The following MYH7 variants were observed in gnomAD, a reference collection of about 807,000 sequenced individuals.
MYH7 encodes myosin-7.
A neutral mutation model predicts 225.4 loss-of-function variants in MYH7; 129 were observed. The observed-to-expected ratio is 0.57, with a 90% confidence interval of 0.50 to 0.66. The LOEUF (loss-of-function observed/expected upper bound fraction) is 0.66. MYH7 is among the 30% of genes least tolerant of loss of function. The pLI, the probability that MYH7 is intolerant of heterozygous loss-of-function variation, is 0.00. For synonymous variants in MYH7, 971 were observed against 1,007.6 expected (o/e 0.96, Z 0.69); for missense variants, 1,649 against 2,517.0 (o/e 0.66, Z 7.38).
Position 23,416,124 on chromosome 14 carries a change from G to A in MYH7, c.4833C>T (p.Ala1611=). ...LDAETRSRNE[A]LRVKKKMEGD... ...CTTCCATCTTCTTCTTCACCCTCAG[G>A]GCCTCGTTGCGGCTGCGTGTCTCTG... is the stretch of plus-strand genomic sequence containing the variant. Residue 1611 remains alanine (A), a synonymous_variant, in exon 34 of 40, where the codon GCC becomes GCT. Transcript: ENST00000355349. 6.2e-7 allele frequency: 1 copy of A among 1,614,136 alleles called. No homozygotes were observed. The highest frequency in any genetic ancestry group is 8.5e-7 in the Non-Finnish European group (1 of 1,180,034).
chr14:23,419,559 G>T lies in MYH7; in HGVS notation c.3777C>A (p.His1259Gln), dbSNP rs149103761. The change falls in exon 28 of 40, where the codon CAC (histidine) becomes CAA (glutamine). Residue 1259 changes from histidine to glutamine, a missense_variant. Coordinates refer to ENST00000355349, the MANE Select transcript of MYH7 (RefSeq NM_000257.4). ...CRTLEDQMNE[H>Q]RSKAEETQRS... ...GCTGGGTCTCCTCCGCCTTGCTCCGGTGCTCATTCATCTGGTCTTCCAAGG... is the reference window on the plus strand; with the variant it reads ...GCTGGGTCTCCTCCGCCTTGCTCCGTTGCTCATTCATCTGGTCTTCCAAGG... 2.5e-6 allele frequency: 4 copies of T among 1,613,892 alleles called. No homozygotes were observed. The highest frequency in any genetic ancestry group is 3.4e-6 in the Non-Finnish European group (4 of 1,180,028).
At chr14:23,423,419 C>G in intron 24 of MYH7, 128 bp downstream of exon 24, 1 of 1,308,992 alleles carries the variant, frequency 7.6e-7, no homozygotes. Flanking sequence ...CCCTACCCCC[C>G]TCTAAACATA....
chr14:23,415,326 C>A lies in MYH7; in HGVS notation c.5283+55G>T. On this transcript the variant is annotated intron_variant, in intron 36 of 39. Transcript: ENST00000355349. The surrounding 1 kb of genome is among the most constrained non-coding windows in gnomAD (Gnocchi z 6.3). ...TGGTCAAGTCCTCACACACTTGCTGCCCAGCCCACGGAGAGACACTGGTCT... is the reference window on the plus strand; with the variant it reads ...TGGTCAAGTCCTCACACACTTGCTGACCAGCCCACGGAGAGACACTGGTCT... 1 of 1,614,222 alleles carries A rather than the reference C, an allele frequency of 6.2e-7. No homozygotes were observed.
intron 18 of MYH7, among the ~76,000 whole-genome samples, 182 bp from the exon 19 acceptor site, chr14:23,426,263 A>G (rs1036193502): frequency 2.6e-5 from 4 of 152,134 alleles, no homozygotes; most frequent in Non-Finnish European, 5.9e-5. Context: ...TTTTTATATG[A>G]TTCACACCTA....
At position 23,423,708 on chromosome 14, in the gene MYH7, C is replaced by T. The variant is rs1892576176; in HGVS notation, c.2938G>A (p.Glu980Lys). The T allele has an allele frequency of 2.5e-6, 4 of 1,614,138 alleles. No individual in the cohort carries two copies. Among genetic ancestry groups the T allele is most frequent in the Non-Finnish European group, 3.4e-6 (4 of 1,180,026 alleles). ...ATCTCATCCAGCCCAGCCATCTCCT[C>T]TGTCAGGTTTTTCACCTGCCGACCA... ...ATENKVKNLT[E>K]EMAGLDEIIA... is the part of the protein sequence containing the mutation. The change falls in exon 24 of 40, where the codon GAG (glutamate) becomes AAG (lysine). Residue 980 changes from glutamate (E) to lysine (K), a missense_variant. This residue lies in a region of MYH7 where 282 missense variants were observed against 315.3 expected (regional missense o/e 0.89). Transcript: ENST00000355349.
At chr14:23,417,388 C>T (rs528481295) in intron 31 of MYH7, 70 bp from the exon 32 acceptor site, 9 of 1,611,714 alleles carry the variant, frequency 5.6e-6, no homozygotes, top group African/African-American at 1.3e-5. Flanking sequence ...GTCTCAGGAC[C>T]TGCCTGGGCT....
intron 25 of MYH7, chr14:23,421,813 GA>G: frequency 1.0e-6 from 1 of 984,858 alleles, no homozygotes; most frequent in Non-Finnish European, 1.2e-6. Flanking sequence ...GGCTCTCTGT[GA>G]AAAGCCACAA....
At chr14:23,422,447 G>A (rs1892512575) in intron 24 of MYH7, 122 bp from the exon 25 acceptor site, 1 of 1,347,354 alleles carries the variant, frequency 7.4e-7, no homozygotes, top group African/African-American at 1.4e-5. Flanking sequence ...CTTCCCCAGA[G>A]TGGGCCAAAT....
rs1892749322 is a variant in MYH7, at chr14:23,427,700, A to C, written c.1773T>G (p.Ile591Met). ...HYAGIVDYNI[I>M]GWLQKNKDPL... ...GATCCTTGTTCTTCTGCAGCCAGCC[A>C]ATGATGTTGTAGTCCACGATGCCGG... The change falls in exon 16 of 40, where the codon ATT becomes ATG. Residue 591 changes from isoleucine (I) to methionine (M), a missense_variant. Transcript: ENST00000355349. The C allele has an allele frequency of 6.2e-7, 1 of 1,614,018 alleles. No individual in the cohort carries two copies. The highest frequency in any genetic ancestry group is 1.3e-5 in the African/African-American group (1 of 74,900).
chr14:23,418,475 T>C lies in MYH7; in HGVS notation c.3973-69A>G, dbSNP rs907947149. ...TAAAGCAACCCCACCCTTGCCCTTCTCCTCACCCCAATCTCAACATCATCC... is the reference window on the plus strand; with the variant it reads ...TAAAGCAACCCCACCCTTGCCCTTCCCCTCACCCCAATCTCAACATCATCC... On this transcript the variant is annotated intron_variant, in intron 29 of 39. Coordinates refer to ENST00000355349, the MANE Select transcript of MYH7 (RefSeq NM_000257.4). 3.3e-6 allele frequency: 5 copies of C among 1,496,932 alleles called. No homozygotes were observed. In the African/African-American group the frequency reaches 4.1e-5, roughly 12 times the overall value. 92.7% of individuals were successfully genotyped at this position (1,496,932 alleles called of 1,614,324 possible).
rs863225095 is a variant in MYH7, at chr14:23,424,793, A to T, written c.2655T>A (p.Asn885Lys). Reference sequence around the variant, plus strand: ...CCGCCTGCACTTGGAGCTGCAGGTCATTCTTCTCCTGCAGCAGGGACACCA... The same window carrying T: ...CCGCCTGCACTTGGAGCTGCAGGTCTTTCTTCTCCTGCAGCAGGGACACCA... ...EKMVSLLQEKNDLQLQVQAEQ... is the reference protein window; with the variant it reads ...EKMVSLLQEKKDLQLQVQAEQ... Residue 885 changes from asparagine to lysine, a missense_variant, in exon 22 of 40, where the codon AAT becomes AAA. Asn to Lys is a moderately conservative substitution (Grantham distance 94). Transcript: ENST00000355349. The T allele has an allele frequency of 6.2e-7, 1 of 1,614,048 alleles. No homozygotes were observed. Among genetic ancestry groups the T allele is most frequent in the African/African-American group, 1.3e-5 (1 of 74,920 alleles).
At chr14:23,424,405 G>A (rs920398588) in intron 22 of MYH7, among the ~76,000 whole-genome samples, 1 of 152,186 alleles carries the variant, frequency 6.6e-6, no homozygotes, top group Non-Finnish European at 1.5e-5. Flanking sequence ...ATCGAAGGGT[G>A]GGAATTGCAT....
Position 23,433,067 on chromosome 14 carries a change from C to T in MYH7, c.345+17G>A. 1.9e-6 allele frequency: 3 copies of T among 1,614,024 alleles called. No individual in the cohort carries two copies. Among genetic ancestry groups the T allele is most frequent in the Non-Finnish European group, 2.5e-6 (3 of 1,179,984 alleles). On this transcript the variant is annotated intron_variant, in intron 4 of 39. Coordinates refer to ENST00000355349, the MANE Select transcript of MYH7 (RefSeq NM_000257.4). This position sits in a 1 kb window ranked among gnomAD's most constrained non-coding sequence, Gnocchi z 4.1. ...CAAGAACAGAGATCCCAACGTAGGGCCAGGTGCAGCACTCACGTAGATCAT... is the reference window on the plus strand; with the variant it reads ...CAAGAACAGAGATCCCAACGTAGGGTCAGGTGCAGCACTCACGTAGATCAT...
chr14:23,427,995 G>T, intron 15 of MYH7, 101 bp from the exon 16 acceptor site: 1 of 1,461,998 alleles, frequency 6.8e-7, no homozygotes, highest in Non-Finnish European at 9.4e-7. Flanking sequence ...GCCATGTTGG[G>T]TGTTAAGGTA....
rs1216521596 is a variant in MYH7 at position 23,422,278 on chromosome 14, C to T, written c.3147G>A (p.Glu1049=). 5.6e-6 allele frequency: 9 copies of T among 1,614,086 alleles called. No individual in the cohort carries two copies. The East Asian group carries it at 1.6e-4, about 28-fold the overall frequency. The change falls in exon 25 of 40, where the codon GAG becomes GAA. Residue 1049 remains glutamate, a synonymous_variant. Transcript: ENST00000355349. ...CGCCCTCCAGCTTCCGCTTCGCTCG[C>T]TCCAGGTCCATGCGCACCTTCTTCT... is the stretch of plus-strand genomic sequence containing the variant. ...EQEKKVRMDL[E]RAKRKLEGDL...
At chr14:23,434,461 A>G (rs1893069968) in intron 1 of MYH7, among the ~76,000 whole-genome samples, 2 of 152,012 alleles carry the variant, frequency 1.3e-5, no homozygotes. Flanking sequence ...CCTGGTGTCA[A>G]CTCAACCTGA....
In MYH7 at chr14:23,423,957, C is replaced by G; in HGVS notation, c.2872G>C (p.Glu958Gln). 1 of 1,614,198 alleles carries G rather than the reference C, an allele frequency of 6.2e-7. No individual in the cohort carries two copies. Among genetic ancestry groups the G allele is most frequent in the Non-Finnish European group, 8.5e-7 (1 of 1,180,038 alleles). The change falls in exon 23 of 40, where the codon GAG becomes CAG. Residue 958 changes from glutamate to glutamine, a missense_variant. Glu to Gln is a conservative substitution (Grantham distance 29, BLOSUM62 2). Transcript: ENST00000355349. ...SELKRDIDDL[E>Q]LTLAKVEKEK... ...TTCTCCACTTTGGCCAGTGTCAGCT[C>G]CAGATCATCGATGTCCCTTTTGAGC...
In MYH7 at chr14:23,425,442, C is replaced by T. The variant is rs1330016679; in HGVS notation, c.2287-24G>A. ...ACCTGCAGGCAAGGTGTGTGTTGGCCATGACTAGGGAGGGGTACGAGGGAA... is the reference window on the plus strand; with the variant it reads ...ACCTGCAGGCAAGGTGTGTGTTGGCTATGACTAGGGAGGGGTACGAGGGAA... On this transcript the variant is annotated intron_variant, in intron 20 of 39. Coordinates refer to ENST00000355349, the MANE Select transcript of MYH7 (RefSeq NM_000257.4). The surrounding 1 kb of genome is among the most constrained non-coding windows in gnomAD (Gnocchi z 4.6). The T allele has an allele frequency of 6.8e-6, 11 of 1,614,030 alleles. No homozygotes were observed. Among genetic ancestry groups the T allele is most frequent in the Non-Finnish European group, 9.3e-6 (11 of 1,180,028 alleles).
intron 33 of MYH7, 78 bp from the exon 34 acceptor site, chr14:23,416,390 G>A: frequency 5.4e-6 from 8 of 1,477,254 alleles, no homozygotes; most frequent in Non-Finnish European, 6.5e-6. Flanking sequence ...CACTAATCAT[G>A]GATACGAAGT....
Sources: allele counts gnomAD v4.1 joint callset (sites outside exome capture counted in the v4.1 genomes callset), GRCh38; gene constraint gnomAD v4.1.1; regional missense constraint gnomAD v4.1.1; non-coding constraint Gnocchi (gnomAD v3.1); transcripts MANE v1.5; gene names NCBI Gene and HGNC (gene_info 2026-07-23, HGNC 2026-07-21).